TYW1: variants seen among roughly 807,000 people sequenced by gnomAD.
TYW1 encodes the protein tRNA-yW synthesizing protein 1 homolog, also known as S-adenosyl-L-methionine-dependent tRNA 4-demethylwyosine synthase TYW1.
Under a neutral mutation model 96.2 loss-of-function variants are expected in TYW1, and 46 were observed. The observed-to-expected ratio is 0.48, with a 90% CI of 0.38 to 0.61. TYW1 has a LOEUF of 0.61. Ranked by LOEUF, TYW1 falls within the 20% of genes least tolerant of loss-of-function variation. The pLI is 0.00. For missense variants in TYW1, 684 were observed against 909.6 expected, an observed-to-expected ratio of 0.75 and a Z score of 3.19; for synonymous variants, 274 against 323.0, an observed-to-expected ratio of 0.85 and a Z score of 1.63.
At chr7:67,155,846 A>G (rs1342943194) in intron 13 of TYW1, among the ~76,000 whole-genome samples, 4 of 150,692 alleles carry the variant, frequency 2.7e-5, no homozygotes, top group Non-Finnish European at 5.9e-5. Flanking sequence ...CACTTCTTCC[A>G]ATTTTATGGA....
chr7:67,031,896 C>T (rs1794684578), intron 7 of TYW1, among the ~76,000 whole-genome samples: 1 of 152,156 alleles, frequency 6.6e-6, no homozygotes. Context: ...ACCCATGTTC[C>T]TGCTGATATG....
At position 67,118,723 on chromosome 7, in the gene TYW1, G is replaced by A. The variant is rs573255103; in HGVS notation, c.1698+1105G>A. On this transcript the variant is annotated intron_variant, in intron 13 of 15. Coordinates refer to ENST00000359626, the MANE Select transcript of TYW1 (RefSeq NM_018264.4). ...CAGCCTGGCAACATGGCAAAACCCC[G>A]TCTCTACCAAAAAACAAAATACAAA... 4.6e-5 allele frequency among the ~76,000 whole-genome samples: 7 copies of A among 151,366 alleles called. No homozygotes were observed. In the South Asian group the frequency reaches 1.0e-3, roughly 23 times the overall value.
At chr7:67,111,713 A>T (rs1797412387) in intron 12 of TYW1, among the ~76,000 whole-genome samples, 1 of 152,230 alleles carries the variant, frequency 6.6e-6, no homozygotes, top group Admixed American at 6.5e-5. Flanking sequence ...TGGGAAATTC[A>T]CAAATATGTG....
chr7:67,220,304 T>C (rs374393143), intron 15 of TYW1, among the ~76,000 whole-genome samples: 19 of 147,084 alleles, frequency 1.3e-4, no homozygotes, highest in Non-Finnish European at 1.9e-4. Flanking sequence ...CCCGGGTTCA[T>C]GCCATTCTCC....
At chr7:67,121,275 C>T (rs1797751264) in intron 13 of TYW1, among the ~76,000 whole-genome samples, 1 of 152,218 alleles carries the variant, frequency 6.6e-6, no homozygotes, top group South Asian at 2.1e-4. Flanking sequence ...GTGGCTCACG[C>T]CAGTATTCCC....
intron 12 of TYW1, among the ~76,000 whole-genome samples, chr7:67,102,374 A>C: frequency 6.6e-6 from 1 of 152,218 alleles, no homozygotes; most frequent in Non-Finnish European, 1.5e-5. Flanking sequence ...GGATTGTGGA[A>C]TACGACAAGA....
chr7:67,161,894 A>C (rs1038767991), intron 13 of TYW1, among the ~76,000 whole-genome samples: 3 of 152,082 alleles, frequency 2.0e-5, no homozygotes, highest in Non-Finnish European at 4.4e-5. Flanking sequence ...CCAGGGAGGA[A>C]ACTTTATAGG....
chr7:67,096,778 A>G (rs922399062), intron 11 of TYW1, among the ~76,000 whole-genome samples: 2 of 151,434 alleles, frequency 1.3e-5, no homozygotes, highest in Non-Finnish European at 2.9e-5. Flanking sequence ...ATTCCCCTCT[A>G]TGTGTTCATG....
At chr7:67,128,304 T>C (rs1228173108) in intron 13 of TYW1, among the ~76,000 whole-genome samples, 1 of 152,222 alleles carries the variant, frequency 6.6e-6, no homozygotes, top group African/African-American at 2.4e-5. Flanking sequence ...AGAGATTCCT[T>C]CATCAGCCAT....
intron 11 of TYW1, among the ~76,000 whole-genome samples, chr7:67,096,732 C>T (rs1241921034): frequency 7.2e-5 from 11 of 152,032 alleles, no homozygotes; most frequent in African/African-American, 2.2e-4. Context: ...CTCCCTTCTC[C>T]CACCCTCCAC....
intron 12 of TYW1, among the ~76,000 whole-genome samples, chr7:67,111,599 T>C (rs1797410234): frequency 6.6e-6 from 1 of 152,112 alleles, no homozygotes. Context: ...CCTTCAGGCA[T>C]GCCAACATAT....
chr7:67,029,201 T>C (rs1417709775), intron 7 of TYW1, among the ~76,000 whole-genome samples: 1 of 151,784 alleles, frequency 6.6e-6, no homozygotes, highest in African/African-American at 2.4e-5. Context: ...GGTTTCACCG[T>C]GGTCTTGATC....
rs774100958 is a variant in TYW1 at position 67,049,944 on chromosome 7, T to C, written c.985-5T>C. 6.2e-7 allele frequency: 1 copy of C among 1,613,506 alleles called. No homozygotes were observed. The highest frequency in any genetic ancestry group is 8.5e-7 in the Non-Finnish European group (1 of 1,179,834). ...TGGATTTCATTCTTTTTTATTTTAATGCAGAGAGAAAAGGAACAGCAGGAA... is the reference window on the plus strand; with the variant it reads ...TGGATTTCATTCTTTTTTATTTTAACGCAGAGAGAAAAGGAACAGCAGGAA... On this transcript the variant is annotated splice_polypyrimidine_tract_variant and splice_region_variant and intron_variant, in intron 7 of 15. Transcript: ENST00000359626.
At chr7:67,130,193 A>C (rs1034385434) in intron 13 of TYW1, among the ~76,000 whole-genome samples, 28 of 151,378 alleles carry the variant, frequency 1.8e-4, no homozygotes, top group Non-Finnish European at 2.1e-4. Flanking sequence ...CCAGCCTGGC[A>C]AACACAGTGA....
intron 13 of TYW1, among the ~76,000 whole-genome samples, chr7:67,156,029 G>A (rs1798958870): frequency 6.6e-6 from 1 of 152,058 alleles, no homozygotes; most frequent in Non-Finnish European, 1.5e-5. Context: ...GTTAGTGGAG[G>A]CTGTGGTAGG....
In TYW1 at chr7:67,017,831, CCTAT is replaced by C. The variant is rs770474575; in HGVS notation, c.571-15_571-12del. On this transcript the variant is annotated intron_variant, in intron 5 of 15. Transcript: ENST00000359626. Reference sequence around the variant, plus strand: ...CTGATTTAGAGAACCGTGCTTTTAGCCTATCTATCTTTTCCTCACAGGTTGGCAA... The same window carrying C: ...CTGATTTAGAGAACCGTGCTTTTAGCCTATCTTTTCCTCACAGGTTGGCAA... 19 of 1,599,428 alleles carry C rather than the reference CCTAT, an allele frequency of 1.2e-5. No individual in the cohort carries two copies. In the Middle Eastern group the frequency reaches 5.0e-4, roughly 42 times the overall value.
intron 12 of TYW1, among the ~76,000 whole-genome samples, chr7:67,107,084 C>A (rs1352032370): frequency 6.6e-6 from 1 of 152,154 alleles, no homozygotes; most frequent in Non-Finnish European, 1.5e-5. Flanking sequence ...CTGGATGTCT[C>A]TTTACGTATT....
At chr7:67,058,410 T>C (rs1795596111) in intron 9 of TYW1, among the ~76,000 whole-genome samples, 2 of 152,184 alleles carry the variant, frequency 1.3e-5, no homozygotes, top group Admixed American at 1.3e-4. Context: ...CAGGGGGTCA[T>C]TGGCCGAGGG....
intron 10 of TYW1, among the ~76,000 whole-genome samples, chr7:67,072,934 G>GTTTTTTTTTTT (rs529812538): frequency 1.4e-5 from 1 of 71,262 alleles, no homozygotes. Flanking sequence ...TGCCTATCCA[G>GTTTTTTTTTTT]TTTTTTTTTT....
Sources: allele counts gnomAD v4.1 joint callset (sites outside exome capture counted in the v4.1 genomes callset), GRCh38; gene constraint gnomAD v4.1.1; transcripts MANE v1.5; gene names NCBI Gene and HGNC (gene_info 2026-07-23, HGNC 2026-07-21).